AASS: variants seen among roughly 807,000 people sequenced by gnomAD.
AASS encodes the protein aminoadipate-semialdehyde synthase.
In AASS, 86 loss-of-function variants were observed where a neutral mutation model predicts 105.4. The ratio of observed to expected loss-of-function variants is 0.82; its 90% CI spans 0.69 to 0.98. The LOEUF (loss-of-function observed/expected upper bound fraction) is 0.98. Ranked by LOEUF, AASS falls within the 50% of genes least tolerant of loss-of-function variation. AASS has a pLI of 0.00. For synonymous variants in AASS, 381 were observed against 394.8 expected, an observed-to-expected ratio of 0.96 and a Z score of 0.41; for missense variants, 1,048 against 1,143.2, an observed-to-expected ratio of 0.92 and a Z score of 1.20.
At chr7:122,120,811 G>C (rs1284862876) in intron 4 of AASS, among the ~76,000 whole-genome samples, 1 of 151,780 alleles carries the variant, frequency 6.6e-6, no homozygotes. Flanking sequence ...TAATCCATCA[G>C]TTATTCAAAA....
intron 21 of AASS, 197 bp from the exon 22 acceptor site, chr7:122,079,147 A>G: frequency 6.8e-7 from 1 of 1,471,630 alleles, no homozygotes. Flanking sequence ...CTCCAGACTC[A>G]CCCAGGCACT....
intron 3 of AASS, among the ~76,000 whole-genome samples, chr7:122,129,089 C>G (rs1286847715): frequency 6.6e-6 from 1 of 151,928 alleles, no homozygotes; most frequent in African/African-American, 2.4e-5. Flanking sequence ...AAAAAAAATC[C>G]CATCTGAAAA....
chr7:122,115,573 T>A (rs953958450), intron 8 of AASS, among the ~76,000 whole-genome samples: 1 of 152,180 alleles, frequency 6.6e-6, no homozygotes, highest in South Asian at 2.1e-4. Flanking sequence ...GGGTATGACC[T>A]AAATCATGCT....
chr7:122,142,821 C>T (rs1796464398), intron 1 of AASS, among the ~76,000 whole-genome samples: 1 of 152,072 alleles, frequency 6.6e-6, no homozygotes, highest in Non-Finnish European at 1.5e-5. Context: ...TTCTTAAACA[C>T]CAAAGATCAT....
intron 22 of AASS, among the ~76,000 whole-genome samples, chr7:122,078,215 C>T (rs1384587315): frequency 2.0e-5 from 3 of 152,096 alleles, no homozygotes; most frequent in African/African-American, 4.8e-5. Context: ...TTCCTTTATC[C>T]GGATTCATGT....
chr7:122,100,516 T>G (rs185260679), intron 13 of AASS, among the ~76,000 whole-genome samples: 1 of 152,022 alleles, frequency 6.6e-6, no homozygotes, highest in Admixed American at 6.6e-5. Flanking sequence ...CTAACTATAG[T>G]ACGCTTGATC....
At chr7:122,112,231 A>G (rs1315573913) in intron 11 of AASS, among the ~76,000 whole-genome samples, 1 of 152,212 alleles carries the variant, frequency 6.6e-6, no homozygotes, top group East Asian at 1.9e-4. Flanking sequence ...TGAGTACTTA[A>G]AATTAAAATA....
chr7:122,142,821 C>A (rs1796464398), intron 1 of AASS, among the ~76,000 whole-genome samples: 1 of 152,072 alleles, frequency 6.6e-6, no homozygotes, highest in Non-Finnish European at 1.5e-5. Flanking sequence ...TTCTTAAACA[C>A]CAAAGATCAT....
chr7:122,118,495 A>T, intron 5 of AASS, 42 bp from the exon 6 acceptor site: 1 of 1,613,978 alleles, frequency 6.2e-7, no homozygotes, highest in Admixed American at 1.7e-5. Flanking sequence ...CCACCAGCTC[A>T]GCATTTTTTT....
intron 18 of AASS, among the ~76,000 whole-genome samples, chr7:122,091,046 C>T (rs1337938529): frequency 2.6e-5 from 4 of 152,052 alleles, no homozygotes; most frequent in African/African-American, 4.8e-5. Flanking sequence ...ATTACTTATT[C>T]CCATGTCTGT....
chr7:122,103,392 ACT>A (rs1794522735), intron 11 of AASS, among the ~76,000 whole-genome samples: 1 of 151,846 alleles, frequency 6.6e-6, no homozygotes, highest in Non-Finnish European at 1.5e-5. Flanking sequence ...GAAGAAATAA[ACT>A]CTTTCCCAGA....
chr7:122,097,468 T>C (rs960296868), intron 15 of AASS, among the ~76,000 whole-genome samples: 1 of 152,056 alleles, frequency 6.6e-6, no homozygotes, highest in Non-Finnish European at 1.5e-5. Context: ...TATTTCATTA[T>C]CTAGGTAATA....
Position 122,079,384 on chromosome 7 carries a change from G to A in AASS, c.2396+213C>T, listed in dbSNP as rs1487692208. On this transcript the variant is annotated intron_variant, in intron 21 of 23. Transcript: ENST00000417368. ...TGGGAACTGAGTGGTAAAGTGTTTC[G>A]AGATAAGCATTTCTCAAATTCTAAT... 4.4e-6 allele frequency: 6 copies of A among 1,358,412 alleles called. No individual in the cohort carries two copies. In the South Asian group the frequency reaches 6.1e-5, roughly 14 times the overall value. 84.1% of individuals were successfully genotyped at this position (1,358,412 alleles called of 1,614,324 possible).
Position 122,098,872 on chromosome 7 carries a change from T to A in AASS, c.1407-6A>T, listed in dbSNP as rs1473621931. The A allele has an allele frequency of 1.2e-4, 144 of 1,166,896 alleles. No homozygotes were observed. Among genetic ancestry groups the A allele is most frequent in the East Asian group, 3.1e-4 (8 of 26,002 alleles). 72.3% of individuals were successfully genotyped at this position (1,166,896 alleles called of 1,614,324 possible). ...AAAGTGACTGAGCACGTTCCCTATT[T>A]AAAAAAAAAAAAAAAAAAAAAAAAG... On this transcript the variant is annotated splice_polypyrimidine_tract_variant and splice_region_variant and intron_variant, in intron 13 of 23. Transcript: ENST00000417368.
rs578208113 is a variant in AASS, at chr7:122,075,807, A to G, written c.*682T>C. 3 of 152,334 alleles carry G rather than the reference A, an allele frequency of 2.0e-5. 1 individual carries two copies. The East Asian group carries it at 5.8e-4, about 29-fold the overall frequency. 9.4% of individuals were successfully genotyped at this position (152,334 alleles called of 1,614,324 possible). On this transcript the variant is annotated 3_prime_UTR_variant, in exon 24 of 24. Transcript: ENST00000417368. ...AATCATAACTTTACAAAAAGGGCAT[A>G]AAATAGCATTTTGGCAAAAACTTAA...
chr7:122,122,281 T>C (rs1443942334), intron 4 of AASS, among the ~76,000 whole-genome samples: 1 of 151,666 alleles, frequency 6.6e-6, no homozygotes, highest in Non-Finnish European at 1.5e-5. Flanking sequence ...CAGTAGAAAT[T>C]AAACAAAATG....
chr7:122,078,655 T>C (rs1793155287), intron 22 of AASS, among the ~76,000 whole-genome samples: 1 of 152,130 alleles, frequency 6.6e-6, no homozygotes, highest in Admixed American at 6.5e-5. Context: ...AGTAAAACTA[T>C]TTTTTCCTTT....
In AASS at chr7:122,081,602, C is replaced by T. The variant is rs1793325902; in HGVS notation, c.2185-7G>A. On this transcript the variant is annotated splice_region_variant and splice_polypyrimidine_tract_variant and intron_variant, in intron 19 of 23. Coordinates refer to ENST00000417368, the MANE Select transcript of AASS (RefSeq NM_005763.4). ...TCAAAGCTTTCATATATCCCTGAAACAAGAATTAATAAGCAGTATATAAAA... is the reference window on the plus strand; with the variant it reads ...TCAAAGCTTTCATATATCCCTGAAATAAGAATTAATAAGCAGTATATAAAA... 1.3e-6 allele frequency: 2 copies of T among 1,593,420 alleles called. No homozygotes were observed. The highest frequency in any genetic ancestry group is 1.3e-5 in the African/African-American group (1 of 74,458).
At chr7:122,076,807 A>C (rs567980958) in intron 23 of AASS, among the ~76,000 whole-genome samples, 200 bp from the exon 24 acceptor site, 1 of 152,374 alleles carries the variant, frequency 6.6e-6, no homozygotes, top group African/African-American at 2.4e-5. Flanking sequence ...AGTTGATTTT[A>C]GATTGAAAGC....
Sources: allele counts gnomAD v4.1 joint callset (sites outside exome capture counted in the v4.1 genomes callset), GRCh38; gene constraint gnomAD v4.1.1; transcripts MANE v1.5; gene names NCBI Gene and HGNC (gene_info 2026-07-23, HGNC 2026-07-21).